The following NAA15 variants were observed in gnomAD, a reference collection of about 807,000 sequenced individuals.
NAA15 encodes the protein N-alpha-acetyltransferase 15, NatA auxiliary subunit, also known as N-terminal acetyltransferase.
In NAA15, 34 loss-of-function variants were observed where a neutral mutation model predicts 114.0. That is an observed-to-expected ratio of 0.30 (90% confidence interval 0.23 to 0.40). The LOEUF is 0.40. Ranked by LOEUF, NAA15 falls within the 10% of genes least tolerant of loss-of-function variation. NAA15 has a pLI of 1.00. For synonymous variants in NAA15, 340 were observed against 338.0 expected (o/e 1.01, Z -0.06); for missense variants, 658 against 1,004.5 (o/e 0.66, Z 4.66).
At chr4:139,302,663 A>G (rs1745845151) in intron 1 of NAA15, 1 of 152,238 alleles carries the variant, frequency 6.6e-6, no homozygotes, top group Non-Finnish European at 1.5e-5. Context: ...ACACATGCAA[A>G]AACTTACCAG....
At position 139,322,733 on chromosome 4, in the gene NAA15, C is replaced by A. The variant is rs529900863; in HGVS notation, c.55-11441C>A. Among the ~76,000 whole-genome samples the A allele has an allele frequency of 9.9e-5, 15 of 152,272 alleles. No individual in the cohort carries two copies. In the East Asian group the frequency reaches 2.5e-3, roughly 25 times the overall value. The stretch of plus-strand genomic sequence containing the variant: ...TTGAGACGGAGTCTTGCTCTGTTGC[C>A]CAGGCTGGAGTGCAATAGGGCAATT... On this transcript the variant is annotated intron_variant, in intron 1 of 19. Coordinates refer to ENST00000296543, the MANE Select transcript of NAA15 (RefSeq NM_057175.5).
intron 18 of NAA15, 80 bp downstream of exon 18, chr4:139,385,058 T>A: frequency 8.3e-7 from 1 of 1,212,036 alleles, no homozygotes; most frequent in Non-Finnish European, 1.1e-6. Context: ...AAGGTACATG[T>A]TTTTAGAATG....
At chr4:139,322,938 A>G (rs1579092033) in intron 1 of NAA15, among the ~76,000 whole-genome samples, 1 of 147,262 alleles carries the variant, frequency 6.8e-6, no homozygotes, top group South Asian at 2.2e-4. Context: ...TGACCCGCCC[A>G]CCTTGTCCTC....
chr4:139,305,247 T>C (rs908969535), intron 1 of NAA15, among the ~76,000 whole-genome samples: 4 of 152,224 alleles, frequency 2.6e-5, no homozygotes, highest in African/African-American at 9.6e-5. Flanking sequence ...ATCACAGTGC[T>C]GAAGATCTAT....
chr4:139,364,987 C>CT (rs1175871669), intron 14 of NAA15, among the ~76,000 whole-genome samples: 2 of 152,008 alleles, frequency 1.3e-5, no homozygotes, highest in Non-Finnish European at 2.9e-5. Context: ...TATTTGCTGC[C>CT]TTTTTTTCTA....
At chr4:139,344,125 A>G in intron 5 of NAA15, 61 bp from the exon 6 acceptor site, 1 of 1,411,254 alleles carries the variant, frequency 7.1e-7, no homozygotes. Context: ...GAGTATTGTG[A>G]ACAATTTTCT....
intron 1 of NAA15, among the ~76,000 whole-genome samples, chr4:139,333,269 A>G (rs915094527): frequency 6.6e-6 from 1 of 152,144 alleles, no homozygotes. Context: ...CAGAATTATA[A>G]GTTGAAACTT....
rs768423087 is a variant in NAA15 at position 139,341,086 on chromosome 4, C to CT, written c.402+27dup. On this transcript the variant is annotated intron_variant, in intron 4 of 19. Transcript: ENST00000296543. ...GGTTACAGGGTAAGTAAAATAGAGA[C>CT]TTTTTTTTTTAATTCTAAGGGGAAA... 4,480 of 1,308,988 alleles carry CT rather than the reference C, an allele frequency of 3.4e-3. 1 individual carries two copies. The highest frequency in any genetic ancestry group is 9.2e-3 in the African/African-American group (597 of 64,582). The allele number at this position is 1,308,988 out of a possible 1,614,324, so 81.1% of individuals were successfully genotyped here. A position where few individuals can be genotyped will look rare whatever the true frequency, so the allele number is the denominator to read the frequency against.
chr4:139,322,234 C>G (rs192239292), intron 1 of NAA15, among the ~76,000 whole-genome samples: 13 of 152,230 alleles, frequency 8.5e-5, no homozygotes, highest in African/African-American at 3.1e-4. Context: ...GTGCTGTTCT[C>G]ATGATAGTGA....
At chr4:139,331,638 T>C (rs1414457606) in intron 1 of NAA15, among the ~76,000 whole-genome samples, 1 of 141,266 alleles carries the variant, frequency 7.1e-6, no homozygotes, top group African/African-American at 2.6e-5. Context: ...TTTTTTTTTG[T>C]ATTTTTAGTA....
At chr4:139,307,213 A>G (rs192496396) in intron 1 of NAA15, among the ~76,000 whole-genome samples, 4 of 152,298 alleles carry the variant, frequency 2.6e-5, no homozygotes, top group Admixed American at 1.3e-4. Flanking sequence ...TTCTGTGATG[A>G]TGGAAATATT....
chr4:139,301,873 C>T (rs370801350), intron 1 of NAA15, 42 bp downstream of exon 1: 2 of 1,557,466 alleles, frequency 1.3e-6, no homozygotes, highest in Non-Finnish European at 1.7e-6. Context: ...AGGATTTAGC[C>T]GGTAACCGGG....
intron 1 of NAA15, among the ~76,000 whole-genome samples, chr4:139,323,828 C>G (rs970727710): frequency 6.6e-6 from 1 of 152,146 alleles, no homozygotes; most frequent in African/African-American, 2.4e-5. Context: ...GTCAGTTATT[C>G]TTATACATTT....
intron 1 of NAA15, among the ~76,000 whole-genome samples, chr4:139,312,054 G>A (rs749696216): frequency 6.6e-6 from 1 of 151,920 alleles, no homozygotes; most frequent in Non-Finnish European, 1.5e-5. Context: ...TTAATTCTTG[G>A]TATGCTGGGA....
intron 18 of NAA15, among the ~76,000 whole-genome samples, chr4:139,385,414 A>G (rs1260187957): frequency 6.6e-6 from 1 of 150,896 alleles, no homozygotes; most frequent in Non-Finnish European, 1.5e-5. Context: ...CATTACAAAG[A>G]AGCAGGTGTA....
chr4:139,377,395 G>A (rs533481931), intron 16 of NAA15, among the ~76,000 whole-genome samples: 2 of 152,028 alleles, frequency 1.3e-5, no homozygotes, highest in South Asian at 2.1e-4. Context: ...AAAATTAGCC[G>A]GGTGTGGTGG....
At chr4:139,344,060 T>G in intron 5 of NAA15, 126 bp from the exon 6 acceptor site, 1 of 727,556 alleles carries the variant, frequency 1.4e-6, no homozygotes, top group African/African-American at 1.8e-5. Flanking sequence ...TTAAGAATTT[T>G]TTAAAAATTA....
At chr4:139,376,305 TA>T in intron 15 of NAA15, 59 bp from the exon 16 acceptor site, 1 of 1,073,786 alleles carries the variant, frequency 9.3e-7, no homozygotes, top group Non-Finnish European at 1.4e-6. Context: ...TTTAGTAGAA[TA>T]AAATCACATT....
chr4:139,387,722 G>A (rs1169520229), intron 19 of NAA15, among the ~76,000 whole-genome samples, 162 bp from the exon 20 acceptor site: 10 of 152,198 alleles, frequency 6.6e-5, no homozygotes. Context: ...GTTAAATTAG[G>A]CCTTGAAGAA....
Sources: gnomAD v4.1 joint callset for allele counts (sites outside exome capture counted in the v4.1 genomes callset) on GRCh38, gnomAD v4.1.1 for gene constraint, MANE v1.5 for transcripts, NCBI Gene and HGNC (gene_info 2026-07-23, HGNC 2026-07-21) for gene names.